The following TAF1B variants were observed in gnomAD, a reference collection of about 807,000 sequenced individuals.
TAF1B encodes the protein TATA-box binding protein associated factor, RNA polymerase I subunit B.
A neutral mutation model predicts 83.9 loss-of-function variants in TAF1B; 61 were observed. The observed-to-expected ratio is 0.73, with a 90% CI of 0.59 to 0.90. TAF1B has a LOEUF of 0.90. Ranked by LOEUF, TAF1B falls within the 40% of genes least tolerant of loss-of-function variation. The pLI is 0.00. For missense variants in TAF1B, 625 were observed against 677.0 expected (o/e 0.92, Z 0.85); for synonymous variants, 221 against 224.6 (o/e 0.98, Z 0.14).
chr2:9,906,084 G>A (rs913594611), intron 9 of TAF1B, among the ~76,000 whole-genome samples: 21 of 151,912 alleles, frequency 1.4e-4, no homozygotes, highest in Non-Finnish European at 2.6e-4. Flanking sequence ...TCTCAAGTGT[G>A]GAAAGTTCCT....
rs373715218 is a variant in TAF1B at position 9,901,984 on chromosome 2, A to G, written c.808-2875A>G. On this transcript the variant is annotated intron_variant, in intron 8 of 14. Coordinates refer to ENST00000263663, the MANE Select transcript of TAF1B (RefSeq NM_005680.3). Reference sequence around the variant, plus strand: ...TACAGATCAATCATATGTTGATAATATAACATAAACTGAAGGCATTTTTCC... The same window carrying G: ...TACAGATCAATCATATGTTGATAATGTAACATAAACTGAAGGCATTTTTCC... Among the ~76,000 whole-genome samples, 7 of 152,318 alleles carry G rather than the reference A, an allele frequency of 4.6e-5. 1 individual carries two copies. The South Asian group carries it at 1.4e-3, about 32-fold the overall frequency.
chr2:9,920,641 T>G (rs1325771009), intron 14 of TAF1B, among the ~76,000 whole-genome samples: 3 of 151,956 alleles, frequency 2.0e-5, no homozygotes, highest in African/African-American at 7.2e-5. Context: ...CAAGGTGCTG[T>G]GTCGTTTTTC....
chr2:9,888,442 C>T (rs541761502), intron 8 of TAF1B, among the ~76,000 whole-genome samples: 11 of 152,182 alleles, frequency 7.2e-5, no homozygotes, highest in African/African-American at 9.6e-5. Context: ...GTCTAAAAAA[C>T]GTCCTTTAAC....
At chr2:9,857,244 G>A (rs937088408) in intron 5 of TAF1B, among the ~76,000 whole-genome samples, 4 of 152,214 alleles carry the variant, frequency 2.6e-5, no homozygotes, top group African/African-American at 4.8e-5. Context: ...TAAGAAGTCC[G>A]TAGATGCTTC....
intron 5 of TAF1B, 54 bp from the exon 6 acceptor site, chr2:9,868,222 T>A: frequency 2.5e-5 from 36 of 1,450,008 alleles, no homozygotes; most frequent in Non-Finnish European, 2.6e-5. Context: ...TTCACAGAAA[T>A]TAACTGTTTA....
intron 14 of TAF1B, among the ~76,000 whole-genome samples, chr2:9,932,357 G>T (rs1469277326): frequency 6.6e-6 from 1 of 152,176 alleles, no homozygotes; most frequent in Non-Finnish European, 1.5e-5. Flanking sequence ...GTTTTGTTGT[G>T]GATGTCCTTT....
chr2:9,854,987 T>G (rs1288156031), intron 5 of TAF1B, among the ~76,000 whole-genome samples: 2 of 146,448 alleles, frequency 1.4e-5, no homozygotes, highest in Non-Finnish European at 3.1e-5. Context: ...ATAATTTTTT[T>G]TGTTCATTTG....
intron 6 of TAF1B, among the ~76,000 whole-genome samples, chr2:9,870,628 C>G (rs1029492044): frequency 1.3e-5 from 2 of 152,130 alleles, no homozygotes; most frequent in African/African-American, 4.8e-5. Flanking sequence ...GGGACATTAG[C>G]TATTCAATTC....
rs916441376 is a variant in TAF1B, at chr2:9,862,439, CTA to C, written c.400-5835_400-5834del. The stretch of plus-strand genomic sequence containing the variant: ...AACAAAGCCTCCCAGAAATATGGGA[CTA>C]TGTGAAAAGACCAAATCTACGTCTT... On this transcript the variant is annotated intron_variant, in intron 5 of 14. Coordinates refer to ENST00000263663, the MANE Select transcript of TAF1B (RefSeq NM_005680.3). Among the ~76,000 whole-genome samples the C allele has an allele frequency of 5.9e-5, 9 of 152,244 alleles. No homozygotes were observed. The East Asian group carries it at 1.5e-3, about 26-fold the overall frequency.
intron 8 of TAF1B, among the ~76,000 whole-genome samples, chr2:9,886,960 G>A (rs761222456): frequency 6.6e-6 from 1 of 152,096 alleles, no homozygotes; most frequent in Admixed American, 6.5e-5. Flanking sequence ...AGCTACTCGG[G>A]AGGCTGAGGC....
intron 14 of TAF1B, among the ~76,000 whole-genome samples, chr2:9,920,401 TGTCTTTCATGAC>T (rs1183049731): frequency 2.0e-5 from 3 of 152,234 alleles, no homozygotes; most frequent in Non-Finnish European, 4.4e-5. Flanking sequence ...AGCCTTTCTT[TGTCTTTCATGAC>T]ATTGAGCTGT....
rs557408710 is a variant in TAF1B at position 9,875,868 on chromosome 2, C to G, written c.557C>G (p.Thr186Arg). 1.9e-6 allele frequency: 3 copies of G among 1,578,608 alleles called. No individual in the cohort carries two copies. The highest frequency in any genetic ancestry group is 2.7e-5 in the African/African-American group (2 of 74,278). Residue 186 changes from threonine (T) to arginine (R), a missense_variant, in exon 7 of 15, where the codon ACG becomes AGG. By Grantham distance (71) the Thr-to-Arg change is moderately conservative. Coordinates refer to ENST00000263663, the MANE Select transcript of TAF1B (RefSeq NM_005680.3). Reference sequence around the variant, plus strand: ...AAATCTCCATTTATCTCCTAAGAAACGTCTGTCTGCTCTGGATCTCTGGAT... The same window carrying G: ...AAATCTCCATTTATCTCCTAAGAAAGGTCTGTCTGCTCTGGATCTCTGGAT... The part of the protein sequence containing the change: ...FPVSKASQSE[T>R]SVCSGSLDGV...
rs570235139 is a variant in TAF1B at position 9,928,626 on chromosome 2, G to A, written c.1566-5157G>A. The stretch of plus-strand genomic sequence containing the variant: ...ATTTTATTCTTTTTGTAGCAATTGT[G>A]AATGGGAGTTCACTCATGATTTAGC... On this transcript the variant is annotated intron_variant, in intron 14 of 14. Coordinates refer to ENST00000263663, the MANE Select transcript of TAF1B (RefSeq NM_005680.3). 4.6e-5 allele frequency among the ~76,000 whole-genome samples: 7 copies of A among 152,276 alleles called. No individual in the cohort carries two copies. In the South Asian group the frequency reaches 1.5e-3, roughly 32 times the overall value.
In TAF1B at chr2:9,875,921, A is replaced by G. The variant is rs541916853; in HGVS notation, c.610A>G (p.Lys204Glu). The G allele has an allele frequency of 3.1e-6, 5 of 1,613,252 alleles. No individual in the cohort carries two copies. The highest frequency in any genetic ancestry group is 4.5e-5 in the East Asian group (2 of 44,858). ...AGTTGAATACTCACAACGAAAGGAG[A>G]AGGGAATCGTGAAGATGACCATGCC... ...DGVEYSQRKE[K>E]GIVKMTMPQT... Residue 204 changes from lysine to glutamate, a missense_variant, in exon 7 of 15, where the codon AAG (lysine) becomes GAG (glutamate). Coordinates refer to ENST00000263663, the MANE Select transcript of TAF1B (RefSeq NM_005680.3).
In TAF1B at chr2:9,914,367, C is replaced by T. The variant is rs1457153688; in HGVS notation, c.1271+1118C>T. On this transcript the variant is annotated intron_variant, in intron 12 of 14. Transcript: ENST00000263663. This position sits in a 1 kb window ranked among gnomAD's most constrained non-coding sequence, Gnocchi z 4.3. Reference sequence around the variant, plus strand: ...GAAGGAGTGACTCTTCAGTCAGTGGCTCTCAGTGGGCACAAGAATAGCAGC... The same window carrying T: ...GAAGGAGTGACTCTTCAGTCAGTGGTTCTCAGTGGGCACAAGAATAGCAGC... 6.6e-6 allele frequency among the ~76,000 whole-genome samples: 1 copy of T among 152,144 alleles called. No homozygotes were observed. Among genetic ancestry groups the T allele is most frequent in the Non-Finnish European group, 1.5e-5 (1 of 68,016 alleles).
At chr2:9,917,244 AT>A (rs1158856559) in intron 12 of TAF1B, among the ~76,000 whole-genome samples, 7 of 152,232 alleles carry the variant, frequency 4.6e-5, no homozygotes, top group African/African-American at 1.7e-4. Flanking sequence ...TTGATCAAGT[AT>A]TTTTTAAAAT....
chr2:9,870,229 A>G (rs889314652), intron 6 of TAF1B, among the ~76,000 whole-genome samples: 9 of 152,312 alleles, frequency 5.9e-5, no homozygotes, highest in African/African-American at 1.7e-4. Context: ...GACTACACCT[A>G]TTGTAATCCC....
chr2:9,855,004 T>C (rs1434925939), intron 5 of TAF1B, among the ~76,000 whole-genome samples: 2 of 88,634 alleles, frequency 2.3e-5, no homozygotes, highest in South Asian at 7.4e-4. Flanking sequence ...TTTGTTTGGT[T>C]TTTTTTTGAG....
intron 1 of TAF1B, among the ~76,000 whole-genome samples, chr2:9,844,890 A>C (rs538886584): frequency 1.3e-5 from 2 of 152,216 alleles, no homozygotes; most frequent in South Asian, 2.1e-4. Context: ...CATTTTTTAA[A>C]AGTCTTCTCT....
Sources: allele counts gnomAD v4.1 joint callset (sites outside exome capture counted in the v4.1 genomes callset), GRCh38; gene constraint gnomAD v4.1.1; non-coding constraint Gnocchi (gnomAD v3.1); transcripts MANE v1.5; gene names NCBI Gene and HGNC (gene_info 2026-07-23, HGNC 2026-07-21).